PDE1B: variants seen among roughly 807,000 people sequenced by gnomAD.
PDE1B encodes dual specificity calcium/calmodulin-dependent 3',5'-cyclic nucleotide phosphodiesterase 1B.
In PDE1B, 13 loss-of-function variants were observed where a neutral mutation model predicts 66.7. That is an observed-to-expected ratio of 0.19 (90% CI 0.13 to 0.31). PDE1B has a LOEUF of 0.31. Among genes scored for constraint, PDE1B ranks in the 10% least tolerant of loss-of-function variants. The pLI is 1.00. For missense variants in PDE1B, 485 were observed against 682.3 expected, an observed-to-expected ratio of 0.71 and a Z score of 3.22; for synonymous variants, 230 against 253.9, an observed-to-expected ratio of 0.91 and a Z score of 0.90.
At chr12:54,551,317 C>T (rs1957274808) in intron 2 of PDE1B, among the ~76,000 whole-genome samples, 1 of 152,220 alleles carries the variant, frequency 6.6e-6, no homozygotes, top group African/African-American at 2.4e-5. Flanking sequence ...GGCAACAAGG[C>T]TTGGAATCCA....
Position 54,566,957 on chromosome 12 carries a change from G to C in PDE1B, c.114-17G>C, listed in dbSNP as rs1396275760. 2.0e-6 allele frequency: 3 copies of C among 1,486,122 alleles called. No individual in the cohort carries two copies. The highest frequency in any genetic ancestry group is 1.7e-5 in the Admixed American group (1 of 59,134). The allele number at this position is 1,486,122 out of a possible 1,614,324, so 92.1% of individuals were successfully genotyped here. A position where few individuals can be genotyped will look rare whatever the true frequency, so the allele number is the denominator to read the frequency against. On this transcript the variant is annotated splice_polypyrimidine_tract_variant and intron_variant, in intron 2 of 15. Transcript: ENST00000243052. ...GTAGCTGTGCCTAAGCAGCCTCTCT[G>C]TATCTGCTCCCTGCAGGCTGCGCTA... is the stretch of plus-strand genomic sequence containing the variant.
At chr12:54,570,735 T>A in intron 6 of PDE1B, 1 of 207,384 alleles carries the variant, frequency 4.8e-6, no homozygotes, top group South Asian at 9.2e-5. Context: ...TGGATAAAAT[T>A]GGCCACTCCC....
At chr12:54,572,318 C>A (rs1957630870) in intron 6 of PDE1B, 1 of 382,764 alleles carries the variant, frequency 2.6e-6, no homozygotes, top group Admixed American at 3.7e-5. Context: ...CTTTAGAGAG[C>A]ATTTACTAAA....
Position 54,577,238 on chromosome 12 carries a change from G to A in PDE1B, c.1521G>A (p.Gln507=). 6.2e-7 allele frequency: 1 copy of A among 1,613,932 alleles called. No homozygotes were observed. The highest frequency in any genetic ancestry group is 1.1e-5 in the South Asian group (1 of 91,040). Reference sequence around the variant, plus strand: ...GCTCCTCTACAGGCATCACCAACCAGATGTCCATTGACGAGCTGTCCCCCT... The same window carrying A: ...GCTCCTCTACAGGCATCACCAACCAAATGTCCATTGACGAGCTGTCCCCCT... ...KERAASGITN[Q]MSIDELSPCE... Residue 507 remains glutamine, a synonymous_variant, in exon 15 of 16, where the codon CAG becomes CAA. Transcript: ENST00000243052.
intron 2 of PDE1B, among the ~76,000 whole-genome samples, chr12:54,556,439 C>T (rs1446669196): frequency 6.6e-6 from 1 of 152,186 alleles, no homozygotes; most frequent in Admixed American, 6.5e-5. Flanking sequence ...CTTAGTGCCC[C>T]TGCCCTTGCC....
At chr12:54,571,178 A>G (rs1332998137) in intron 6 of PDE1B, 1 of 152,180 alleles carries the variant, frequency 6.6e-6, no homozygotes, top group Non-Finnish European at 1.5e-5. Flanking sequence ...AGGTCATTCC[A>G]TCCATCCTCT....
intron 14 of PDE1B, 82 bp downstream of exon 14, chr12:54,576,783 C>T: frequency 7.0e-7 from 1 of 1,430,672 alleles, no homozygotes; most frequent in Non-Finnish European, 9.6e-7. Context: ...TTCTTAAGCC[C>T]CTGGGGAAAC....
chr12:54,560,049 G>C (rs936767728), intron 2 of PDE1B, among the ~76,000 whole-genome samples: 1 of 152,180 alleles, frequency 6.6e-6, no homozygotes, highest in African/African-American at 2.4e-5. Context: ...CACAGAAAGA[G>C]ATGGATACAG....
chr12:54,555,891 TCTC>T (rs977545286), intron 2 of PDE1B, among the ~76,000 whole-genome samples: 9 of 152,098 alleles, frequency 5.9e-5, no homozygotes, highest in African/African-American at 9.7e-5. Context: ...CATCAGTACT[TCTC>T]CTCCCTCATC....
At chr12:54,559,547 G>T (rs1358829403) in intron 2 of PDE1B, among the ~76,000 whole-genome samples, 2 of 151,964 alleles carry the variant, frequency 1.3e-5, no homozygotes, top group Non-Finnish European at 2.9e-5. Flanking sequence ...AGGGATGATG[G>T]TTGATCATTA....
chr12:54,555,864 T>C (rs1230204858), intron 2 of PDE1B, among the ~76,000 whole-genome samples: 1 of 152,162 alleles, frequency 6.6e-6, no homozygotes, highest in Non-Finnish European at 1.5e-5. Context: ...CCTTTTGACT[T>C]ACCCTTTCGC....
In PDE1B at chr12:54,569,542, T is replaced by G. The variant is rs766829312; in HGVS notation, c.411-4T>G. 2.5e-6 allele frequency: 4 copies of G among 1,612,452 alleles called. No individual in the cohort carries two copies. In the African/African-American group the frequency reaches 4.0e-5, roughly 16 times the overall value. ...GTGGGCTTCTTCTCATTGTTCTCTC[T>G]CAGGATGTTCCGGAGAACATACACC... On this transcript the variant is annotated splice_region_variant and splice_polypyrimidine_tract_variant and intron_variant, in intron 4 of 15. Coordinates refer to ENST00000243052, the MANE Select transcript of PDE1B (RefSeq NM_000924.4). The surrounding 1 kb of genome is among the most constrained non-coding windows in gnomAD (Gnocchi z 4.4).
chr12:54,564,529 G>C (rs1304814913), intron 2 of PDE1B, among the ~76,000 whole-genome samples: 2 of 152,138 alleles, frequency 1.3e-5, no homozygotes, highest in Non-Finnish European at 2.9e-5. Flanking sequence ...AGCTACTCAG[G>C]AGGCTGAGGC....
intron 14 of PDE1B, 30 bp downstream of exon 14, chr12:54,576,731 G>A: frequency 6.3e-7 from 1 of 1,577,322 alleles, no homozygotes; most frequent in Non-Finnish European, 8.6e-7. Flanking sequence ...GCAGGGGTGA[G>A]AACTTGTGTG....
intron 6 of PDE1B, 105 bp from the exon 7 acceptor site, chr12:54,572,496 C>G: frequency 9.2e-7 from 1 of 1,088,152 alleles, no homozygotes; most frequent in Non-Finnish European, 1.4e-6. Context: ...TGTGCTCTCT[C>G]CCTATGCCAC....
intron 3 of PDE1B, among the ~76,000 whole-genome samples, chr12:54,567,653 G>C (rs891124503): frequency 4.6e-5 from 7 of 152,024 alleles, no homozygotes; most frequent in Non-Finnish European, 7.4e-5. Flanking sequence ...ACAGAAGACT[G>C]CTTCAGAGTT....
chr12:54,561,698 C>G, intron 2 of PDE1B: 1 of 1,251,600 alleles, frequency 8.0e-7, no homozygotes, highest in Non-Finnish European at 1.1e-6. Context: ...GCTCATGGAT[C>G]CACCAGTTGT....
intron 2 of PDE1B, among the ~76,000 whole-genome samples, chr12:54,562,783 G>C (rs1957441631): frequency 1.3e-5 from 2 of 152,190 alleles, no homozygotes; most frequent in African/African-American, 4.8e-5. Flanking sequence ...TCAGCTGCTT[G>C]AGTCCAGGTC....
chr12:54,550,023 AG>A, intron 2 of PDE1B, 38 bp downstream of exon 2: 4 of 1,604,242 alleles, frequency 2.5e-6, no homozygotes, highest in Non-Finnish European at 3.4e-6. Flanking sequence ...AAGGGACCTT[AG>A]GGAGCCTGAG....
Sources: gnomAD v4.1 joint callset for allele counts (sites outside exome capture counted in the v4.1 genomes callset) on GRCh38, gnomAD v4.1.1 for gene constraint, Gnocchi (gnomAD v3.1) non-coding constraint, MANE v1.5 for transcripts, NCBI Gene and HGNC (gene_info 2026-07-23, HGNC 2026-07-21) for gene names.